CHFR: variants seen among roughly 807,000 people sequenced by gnomAD.
CHFR encodes checkpoint with forkhead and ring finger domains.
In CHFR, 57 loss-of-function variants were observed where a neutral mutation model predicts 87.6. The ratio of observed to expected loss-of-function variants is 0.65; its 90% CI spans 0.53 to 0.81. The LOEUF (loss-of-function observed/expected upper bound fraction) is 0.81, where lower values mean the gene tolerates loss of function less well. Ranked by LOEUF, CHFR falls within the 30% of genes least tolerant of loss-of-function variation. The pLI is 0.00. For synonymous variants in CHFR, 381 were observed against 359.2 expected, an observed-to-expected ratio of 1.06 and a Z score of -0.69; for missense variants, 797 against 865.8, an observed-to-expected ratio of 0.92 and a Z score of 1.00.
intron 2 of CHFR, among the ~76,000 whole-genome samples, chr12:132,885,419 TATAAATAAATAAATAA>T (rs141735852): frequency 1.4e-4 from 21 of 146,540 alleles, no homozygotes; most frequent in African/African-American, 4.0e-4. Flanking sequence ...TCAAAAAATA[TATAAATAAATAAATAA>T]ATAAATAAAT....
rs1238379063 is a variant in CHFR, at chr12:132,861,477, T to A, written c.741A>T (p.Lys247Asn). The change falls in exon 7 of 18, where the codon AAA becomes AAT. Residue 247 changes from lysine to asparagine, a missense_variant. Coordinates refer to ENST00000450056, the MANE Select transcript of CHFR (RefSeq NM_001161346.2). ...DQEDLEPVKK[K>N]MRGDGDLDLN... ...CAACCAGACACTAACCTCCTCTCAT[T>A]TTCTTCTTCACGGGCTCCAAATCCT... 33 of 1,613,976 alleles carry A rather than the reference T, an allele frequency of 2.0e-5. No homozygotes were observed. Among genetic ancestry groups the A allele is most frequent in the Non-Finnish European group, 2.8e-5 (33 of 1,179,968 alleles).
intron 2 of CHFR, among the ~76,000 whole-genome samples, chr12:132,881,038 G>A (rs1369644450): frequency 3.9e-5 from 6 of 152,218 alleles, no homozygotes; most frequent in East Asian, 1.9e-4. Flanking sequence ...TGGCCAAGGC[G>A]GGCGGATCAC....
At chr12:132,850,567 G>A (rs1950917615) in intron 12 of CHFR, among the ~76,000 whole-genome samples, 1 of 152,168 alleles carries the variant, frequency 6.6e-6, no homozygotes, top group Non-Finnish European at 1.5e-5. Context: ...ATCACCGGGT[G>A]TGTCCCACGG....
At chr12:132,884,094 TG>T (rs1295728364) in intron 2 of CHFR, among the ~76,000 whole-genome samples, 10 of 152,276 alleles carry the variant, frequency 6.6e-5, no homozygotes, top group Non-Finnish European at 1.2e-4. Context: ...CACTCCAGCC[TG>T]GGTGACAGAG....
Position 132,839,294 on chromosome 12 carries a change from T to TTAG in CHFR, c.*2259_*2260insCTA. 5.6e-6 allele frequency: 1 copy of TTAG among 177,566 alleles called. No individual in the cohort carries two copies. Among genetic ancestry groups the TTAG allele is most frequent in the Non-Finnish European group, 1.2e-5 (1 of 82,992 alleles). 11.0% of individuals were successfully genotyped at this position (177,566 alleles called of 1,614,324 possible). A position where few individuals can be genotyped will look rare whatever the true frequency, so the allele number is the denominator to read the frequency against. On this transcript the variant is annotated 3_prime_UTR_variant, in exon 18 of 18. Transcript: ENST00000450056. ...CTCTCAGCCTCGCACCTGCACAAAC[T>TTAG]GGCAACCTCCCCTCTCAGCCTCGCC...
intron 11 of CHFR, 78 bp downstream of exon 11, chr12:132,853,353 G>A (rs1593463370): frequency 2.2e-6 from 3 of 1,368,358 alleles, no homozygotes; most frequent in East Asian, 5.9e-5. Flanking sequence ...GCAGAGCGCG[G>A]CCACGTGCAC....
intron 2 of CHFR, among the ~76,000 whole-genome samples, chr12:132,885,811 G>A (rs1307377872): frequency 1.3e-5 from 2 of 152,118 alleles, no homozygotes; most frequent in African/African-American, 4.8e-5. Flanking sequence ...TTGACAGATT[G>A]GAAACCCACA....
At chr12:132,874,342 G>A (rs1010699394) in intron 3 of CHFR, among the ~76,000 whole-genome samples, 1 of 151,908 alleles carries the variant, frequency 6.6e-6, no homozygotes, top group Non-Finnish European at 1.5e-5. Context: ...CCCTGGAACA[G>A]GCAGGGAGGC....
At position 132,838,777 on chromosome 12, in the gene CHFR, A is replaced by C. The variant is rs1459294944; in HGVS notation, c.*2777T>G. The stretch of plus-strand genomic sequence containing the variant: ...GATGGCTGGGTCTTGAGGACGAGGA[A>C]GTACAGAAGCTCATGAAAAGACGGA... On this transcript the variant is annotated 3_prime_UTR_variant, in exon 18 of 18. Transcript: ENST00000450056. 6.6e-6 allele frequency: 1 copy of C among 152,262 alleles called. No individual in the cohort carries two copies. The highest frequency in any genetic ancestry group is 1.5e-5 in the Non-Finnish European group (1 of 68,070). The allele number at this position is 152,262 out of a possible 1,614,324, so 9.4% of individuals were successfully genotyped here.
rs1380131918 is a variant in CHFR at position 132,859,160 on chromosome 12, G to A, written c.819C>T (p.His273=). The A allele has an allele frequency of 2.5e-6, 4 of 1,614,022 alleles. No homozygotes were observed. The highest frequency in any genetic ancestry group is 1.1e-5 in the South Asian group (1 of 91,040). The change falls in exon 8 of 18, where the codon CAC becomes CAT. Residue 273 remains histidine (H), a synonymous_variant. Coordinates refer to ENST00000450056, the MANE Select transcript of CHFR (RefSeq NM_001161346.2). ...AQPRRNAQTV[H]EDVRAAAGKP... ...TCCCAGCCGCTGCTCTGACGTCCTC[G>A]TGGACGGTTTGGGCATTTCTACGCG...
intron 17 of CHFR, among the ~76,000 whole-genome samples, chr12:132,842,755 A>G (rs996586800): frequency 2.6e-5 from 4 of 152,260 alleles, no homozygotes; most frequent in Non-Finnish European, 5.9e-5. Context: ...GCTAAGCCTG[A>G]AATGATGGGG....
At chr12:132,871,511 C>A (rs1170227434) in intron 4 of CHFR, among the ~76,000 whole-genome samples, 2 of 151,994 alleles carry the variant, frequency 1.3e-5, no homozygotes, top group East Asian at 1.9e-4. Flanking sequence ...GTGGCTCATG[C>A]CTGTAATCCC....
At chr12:132,879,417 GTC>G (rs1190629145) in intron 2 of CHFR, among the ~76,000 whole-genome samples, 1 of 147,936 alleles carries the variant, frequency 6.8e-6, no homozygotes, top group Non-Finnish European at 1.5e-5. Context: ...TTGAGACGGA[GTC>G]TCTTTCTGTG....
At chr12:132,878,620 C>A (rs1951688504) in intron 2 of CHFR, among the ~76,000 whole-genome samples, 1 of 151,760 alleles carries the variant, frequency 6.6e-6, no homozygotes, top group Non-Finnish European at 1.5e-5. Flanking sequence ...GAGATCGAGA[C>A]CATCCTGGCT....
intron 10 of CHFR, 67 bp from the exon 11 acceptor site, chr12:132,853,640 C>T: frequency 6.2e-6 from 9 of 1,463,106 alleles, no homozygotes; most frequent in South Asian, 1.4e-5. Context: ...CGGTGCAACG[C>T]GGGTCCGCAG....
In CHFR at chr12:132,840,507, G is replaced by A. The variant is rs549120489; in HGVS notation, c.*1047C>T. 1 of 152,646 alleles carries A rather than the reference G, an allele frequency of 6.6e-6. No homozygotes were observed. The highest frequency in any genetic ancestry group is 1.5e-5 in the Non-Finnish European group (1 of 68,040). 9.5% of individuals were successfully genotyped at this position (152,646 alleles called of 1,614,324 possible). On this transcript the variant is annotated 3_prime_UTR_variant, in exon 18 of 18. Transcript: ENST00000450056. The stretch of plus-strand genomic sequence containing the variant: ...AAAAAAGTTATCAGTTTACAAACAA[G>A]GATAACAGGTGATTTCAACAAAAGA...
chr12:132,872,450 AT>A (rs1441432165), intron 3 of CHFR, 56 bp from the exon 4 acceptor site: 5 of 1,353,868 alleles, frequency 3.7e-6, no homozygotes, highest in Non-Finnish European at 4.2e-6. Context: ...GAGTTACAAG[AT>A]TTTTTTTCTA....
At chr12:132,846,602 C>G (rs964872963) in intron 15 of CHFR, among the ~76,000 whole-genome samples, 1 of 151,836 alleles carries the variant, frequency 6.6e-6, no homozygotes, top group African/African-American at 2.4e-5. Flanking sequence ...ACCTGAAGGC[C>G]GGGCATAGTG....
intron 11 of CHFR, among the ~76,000 whole-genome samples, chr12:132,853,017 T>C (rs143228809): frequency 8.5e-4 from 130 of 152,264 alleles, no homozygotes; most frequent in African/African-American, 3.1e-3. Context: ...TTAAGCCAAC[T>C]CTGGTGACGC....
Sources: allele counts gnomAD v4.1 joint callset (sites outside exome capture counted in the v4.1 genomes callset), GRCh38; gene constraint gnomAD v4.1.1; transcripts MANE v1.5; gene names NCBI Gene and HGNC (gene_info 2026-07-23, HGNC 2026-07-21).